Variants in CCDC7 observed in about 807,000 individuals in gnomAD.
The protein encoded by CCDC7 is coiled-coil domain-containing protein 7.
In CCDC7, 183 loss-of-function variants were observed where a neutral mutation model predicts 196.9. The observed-to-expected ratio is 0.93, with a 90% CI of 0.82 to 1.05. The LOEUF is 1.05. Ranked by LOEUF, CCDC7 falls within the 50% of genes least tolerant of loss-of-function variation. The pLI is 0.00. For synonymous variants in CCDC7, 525 were observed against 484.6 expected, an observed-to-expected ratio of 1.08 and a Z score of -1.10; for missense variants, 1,540 against 1,482.2, an observed-to-expected ratio of 1.04 and a Z score of -0.64.
intron 9 of CCDC7, among the ~76,000 whole-genome samples, chr10:32,506,776 C>T (rs1052293802): frequency 3.9e-5 from 6 of 151,916 alleles, no homozygotes; most frequent in Non-Finnish European, 7.4e-5. Flanking sequence ...CACGGGAGCC[C>T]GAGGCAGGGA....
At chr10:32,702,230 C>T (rs954842441) in intron 24 of CCDC7, among the ~76,000 whole-genome samples, 10 of 152,056 alleles carry the variant, frequency 6.6e-5, no homozygotes, top group African/African-American at 9.7e-5. Context: ...CCTTTGTTCT[C>T]GTTGGTTTCA....
chr10:32,589,706 A>T (rs945412558), intron 18 of CCDC7, among the ~76,000 whole-genome samples: 1 of 152,076 alleles, frequency 6.6e-6, no homozygotes, highest in African/African-American at 2.4e-5. Context: ...CTTTAATAAC[A>T]TTTGCTTTAT....
intron 18 of CCDC7, among the ~76,000 whole-genome samples, chr10:32,600,382 T>C (rs2060870736): frequency 6.6e-6 from 1 of 152,102 alleles, no homozygotes. Flanking sequence ...TGTATAGTAG[T>C]GCTACTGATT....
chr10:32,632,327 CT>C (rs1481826693), intron 18 of CCDC7, among the ~76,000 whole-genome samples: 1 of 151,522 alleles, frequency 6.6e-6, no homozygotes, highest in African/African-American at 2.4e-5. Flanking sequence ...TTGGAGTTTG[CT>C]TTTTTTCGAA....
chr10:32,532,235 C>A (rs2049793053), intron 11 of CCDC7, among the ~76,000 whole-genome samples: 2 of 151,972 alleles, frequency 1.3e-5, no homozygotes, highest in African/African-American at 4.8e-5. Flanking sequence ...ATGTTGTATT[C>A]CCATTTTCAT....
At chr10:32,880,498 G>A (rs113369475), downstream of CCDC7, among the ~76,000 whole-genome samples, 14,481 of 152,100 alleles carry the variant, frequency 0.095, 871 homozygotes, top group Admixed American at 0.2. Context: ...TAGGTTGTCC[G>A]TTCACTCTGA....
chr10:32,791,964 A>G (rs548384420), intron 29 of CCDC7, among the ~76,000 whole-genome samples: 125 of 152,298 alleles, frequency 8.2e-4, no homozygotes, highest in African/African-American at 2.7e-3. Context: ...TTAAAACAGC[A>G]GGAGAAAAGC....
At chr10:32,756,852 T>A (rs185288421) in intron 28 of CCDC7, among the ~76,000 whole-genome samples, 1,570 of 151,840 alleles carry the variant, frequency 0.01, 15 homozygotes, top group Non-Finnish European at 0.018. Flanking sequence ...TATTCAGGAG[T>A]CCCATCTCAC....
intron 28 of CCDC7, among the ~76,000 whole-genome samples, chr10:32,742,265 C>T (rs2504337): frequency 2.0e-5 from 3 of 151,930 alleles, no homozygotes; most frequent in African/African-American, 7.3e-5. Context: ...CCATTCCCCC[C>T]ACACAGACTC....
At chr10:32,833,313 G>A (rs1331130679) in intron 32 of CCDC7, among the ~76,000 whole-genome samples, 1 of 149,948 alleles carries the variant, frequency 6.7e-6, no homozygotes, top group Admixed American at 6.7e-5. Context: ...TGAATTAGAT[G>A]CTTTACAAGG....
At chr10:32,650,450 T>G (rs1454700447) in intron 20 of CCDC7, among the ~76,000 whole-genome samples, 1 of 152,198 alleles carries the variant, frequency 6.6e-6, no homozygotes, top group Admixed American at 6.5e-5. Context: ...CCCATGAGCC[T>G]TGGGAGAACC....
At chr10:32,701,353 C>T (rs1425637521) in intron 24 of CCDC7, among the ~76,000 whole-genome samples, 1 of 151,948 alleles carries the variant, frequency 6.6e-6, no homozygotes, top group African/African-American at 2.4e-5. Context: ...AGCCTTGCAT[C>T]CCAGGGATGA....
chr10:32,528,632 G>GTA (rs1257260199), intron 11 of CCDC7, among the ~76,000 whole-genome samples: 1 of 127,826 alleles, frequency 7.8e-6, no homozygotes, highest in Non-Finnish European at 1.7e-5. Context: ...CATGGTATAT[G>GTA]TATGTGTGTG....
At chr10:32,824,718 T>G in intron 32 of CCDC7, 114 bp downstream of exon 33, 1 of 598,574 alleles carries the variant, frequency 1.7e-6, no homozygotes, top group Non-Finnish European at 2.9e-6. Flanking sequence ...AGAAAAAGTC[T>G]TCATGAATTT....
At chr10:32,875,763 T>A (rs2094579787) in intron 41 of CCDC7, among the ~76,000 whole-genome samples, 1 of 151,946 alleles carries the variant, frequency 6.6e-6, no homozygotes, top group Non-Finnish European at 1.5e-5. Flanking sequence ...TAAAGATGAG[T>A]CTTCTGCCTA....
exon 24 of CCDC7, chr10:32,694,903 A>T (rs768444267): frequency 6.2e-7 from 1 of 1,600,226 alleles, no homozygotes; most frequent in Non-Finnish European, 8.5e-7. Context: ...CCAGGCAAAA[A>T]TCTTGTGCTT....
chr10:32,561,958 A>C (rs572774290), intron 13 of CCDC7, among the ~76,000 whole-genome samples: 371 of 152,278 alleles, frequency 2.4e-3, no homozygotes, highest in Non-Finnish European at 4.2e-3. Flanking sequence ...ATAAAAAATG[A>C]TAAAGGGGAT....
At chr10:32,635,219 A>G in intron 20 of CCDC7, 61 bp downstream of exon 21, 1 of 394,210 alleles carries the variant, frequency 2.5e-6, no homozygotes. Flanking sequence ...AGCTTTTTTT[A>G]TGGTTCATGA....
At chr10:32,866,499 G>C (rs2094203711) in intron 41 of CCDC7, among the ~76,000 whole-genome samples, 1 of 151,392 alleles carries the variant, frequency 6.6e-6, no homozygotes, top group South Asian at 2.1e-4. Flanking sequence ...TGAAAATGTA[G>C]ATAAAAGGAG....
Sources: allele counts gnomAD v4.1 joint callset (sites outside exome capture counted in the v4.1 genomes callset), GRCh38; gene constraint gnomAD v4.1.1; transcripts MANE v1.5; gene names NCBI Gene and HGNC (gene_info 2026-07-23, HGNC 2026-07-21).